Variants in NOD1 observed in about 807,000 individuals in gnomAD.
NOD1 encodes the protein nucleotide-binding oligomerization domain-containing protein 1.
Under a neutral mutation model 81.2 loss-of-function variants are expected in NOD1, and 70 were observed. That is an observed-to-expected ratio of 0.86 (90% CI 0.71 to 1.05). NOD1 has a LOEUF of 1.05. Ranked by LOEUF, NOD1 falls within the 50% of genes least tolerant of loss-of-function variation. NOD1 has a pLI of 0.00. For synonymous variants in NOD1, 508 were observed against 526.9 expected (o/e 0.96, Z 0.49); for missense variants, 1,233 against 1,228.0 (o/e 1.00, Z -0.06).
chr7:30,451,112 TG>T lies in NOD1; in HGVS notation c.2201+103del. On this transcript the variant is annotated intron_variant, in intron 6 of 13. Transcript: ENST00000222823. The surrounding 1 kb of genome is among the most constrained non-coding windows in gnomAD (Gnocchi z 4.2). ...AAAGGTCTGGACATTCCAAGGGCCA[TG>T]GTCATGAGTCCTGGGGGATCCTGGT... The T allele has an allele frequency of 7.6e-7, 1 of 1,316,028 alleles. No individual in the cohort carries two copies. Among genetic ancestry groups the T allele is most frequent in the Non-Finnish European group, 1.0e-6 (1 of 971,846 alleles). 81.5% of individuals were successfully genotyped at this position (1,316,028 alleles called of 1,614,324 possible). A position where few individuals can be genotyped will look rare whatever the true frequency, so the allele number is the denominator to read the frequency against.
intron 13 of NOD1, among the ~76,000 whole-genome samples, chr7:30,429,013 C>T (rs970466781): frequency 3.3e-5 from 5 of 152,204 alleles, no homozygotes; most frequent in Admixed American, 3.3e-4. Flanking sequence ...CTGGCCAACA[C>T]AGTCATCTCT....
In NOD1 at chr7:30,452,808, A is replaced by G; in HGVS notation, c.609T>C (p.Asp203=). 6.2e-7 allele frequency: 1 copy of G among 1,614,124 alleles called. No individual in the cohort carries two copies. The highest frequency in any genetic ancestry group is 8.5e-7 in the Non-Finnish European group (1 of 1,180,006). The change falls in exon 6 of 14, where the codon GAT becomes GAC. Residue 203 remains aspartate, a synonymous_variant. Coordinates refer to ENST00000222823, the MANE Select transcript of NOD1 (RefSeq NM_006092.4). Reference sequence around the variant, plus strand: ...GCAGCATGGACTTGCCCACCCCAGCATCACCCAGGATGAAGATGGTCTCAC... The same window carrying G: ...GCAGCATGGACTTGCCCACCCCAGCGTCACCCAGGATGAAGATGGTCTCAC... ...EQGETIFILG[D]AGVGKSMLLQ...
At chr7:30,476,166 G>A (rs1006071914) in intron 1 of NOD1, among the ~76,000 whole-genome samples, 2 of 152,088 alleles carry the variant, frequency 1.3e-5, no homozygotes, top group Non-Finnish European at 2.9e-5. Flanking sequence ...TAAATCCTAC[G>A]TTCATATCTT....
chr7:30,465,231 G>C (rs983515986), intron 1 of NOD1, among the ~76,000 whole-genome samples: 5 of 152,192 alleles, frequency 3.3e-5, no homozygotes, highest in Non-Finnish European at 7.3e-5. Flanking sequence ...TCCTCTCTCA[G>C]GGAGTTTGAA....
intron 5 of NOD1, 136 bp downstream of exon 5, chr7:30,455,001 G>T: frequency 2.4e-6 from 2 of 817,244 alleles, no homozygotes; most frequent in South Asian, 1.7e-5. Flanking sequence ...ACAGGATTCA[G>T]CTGTTCCTTT....
chr7:30,448,562 G>A (rs561181917), intron 6 of NOD1, among the ~76,000 whole-genome samples, 181 bp from the exon 7 acceptor site: 3 of 152,262 alleles, frequency 2.0e-5, no homozygotes, highest in East Asian at 3.9e-4. Context: ...ACGTGGGGCC[G>A]CCAGACCCAT....
At chr7:30,433,879 A>G (rs1190275008) in intron 11 of NOD1, among the ~76,000 whole-genome samples, 2 of 152,248 alleles carry the variant, frequency 1.3e-5, no homozygotes. Flanking sequence ...CTTCATTTTA[A>G]GACAATCAGA....
chr7:30,430,095 G>A (rs894583302), intron 12 of NOD1, among the ~76,000 whole-genome samples: 1 of 152,168 alleles, frequency 6.6e-6, no homozygotes, highest in Non-Finnish European at 1.5e-5. Flanking sequence ...CAGGAAGTCT[G>A]ACGTCTCCTT....
rs149106716 is a variant in NOD1, at chr7:30,433,111, G to A, written c.2690C>T (p.Thr897Met). The A allele has an allele frequency of 2.8e-5, 45 of 1,612,584 alleles. No individual in the cohort carries two copies. The highest frequency in any genetic ancestry group is 1.2e-4 in the African/African-American group (9 of 74,870). The change falls in exon 12 of 14, where the codon ACG (threonine) becomes ATG (methionine). Residue 897 changes from threonine (T) to methionine (M), a missense_variant. By Grantham distance (81) the Thr-to-Met change is moderately conservative. Coordinates refer to ENST00000222823, the MANE Select transcript of NOD1 (RefSeq NM_006092.4). The part of the protein sequence containing the change: ...SLAEMLKVNQ[T>M]LKHLWLIQNQ... ...TCTGAGTTACCATAAATGCTTTAACGTCTGGTTGACTTTCAACATTTCTGC... is the reference window on the plus strand; with the variant it reads ...TCTGAGTTACCATAAATGCTTTAACATCTGGTTGACTTTCAACATTTCTGC...
In NOD1 at chr7:30,467,726, A is replaced by G. The variant is rs1280380079; in HGVS notation, c.-351-7685T>C. On this transcript the variant is annotated intron_variant, in intron 1 of 13. Coordinates refer to ENST00000222823, the MANE Select transcript of NOD1 (RefSeq NM_006092.4). The surrounding 1 kb of genome is among the most constrained non-coding windows in gnomAD (Gnocchi z 4.5). ...TGTTTGTTTGTTTGTTTTGAGACAGAGTTTCACTCTTGTCACCCAGGCTGG... is the reference window on the plus strand; with the variant it reads ...TGTTTGTTTGTTTGTTTTGAGACAGGGTTTCACTCTTGTCACCCAGGCTGG... Among the ~76,000 whole-genome samples the G allele has an allele frequency of 6.6e-6, 1 of 152,100 alleles. No individual in the cohort carries two copies. Among genetic ancestry groups the G allele is most frequent in the Non-Finnish European group, 1.5e-5 (1 of 68,016 alleles).
chr7:30,453,520 A>G (rs974689164), intron 5 of NOD1, among the ~76,000 whole-genome samples: 1 of 152,098 alleles, frequency 6.6e-6, no homozygotes, highest in Admixed American at 6.6e-5. Flanking sequence ...CCCAGGCTCA[A>G]GCAATCCTCC....
chr7:30,449,056 T>C lies in NOD1; in HGVS notation c.2202-675A>G, dbSNP rs58432605. Among the ~76,000 whole-genome samples the C allele has an allele frequency of 9.7e-3, 1,474 of 152,284 alleles. 16 individuals carry two copies. The highest frequency in any genetic ancestry group is 0.034 in the African/African-American group (1,408 of 41,556). On this transcript the variant is annotated intron_variant, in intron 6 of 13. Coordinates refer to ENST00000222823, the MANE Select transcript of NOD1 (RefSeq NM_006092.4). ...CTGTCACAGCTACTCAACTGTGTAG[T>C]GTGAAGCAGCCAGTAAGTAAATAAA...
chr7:30,454,814 G>GA (rs70983304), intron 5 of NOD1, among the ~76,000 whole-genome samples: 14 of 150,392 alleles, frequency 9.3e-5, no homozygotes, highest in Middle Eastern at 3.4e-3. Context: ...TTTTTTAAAA[G>GA]AAAAAAAAAT....
At chr7:30,470,305 A>G (rs1236670897) in intron 1 of NOD1, among the ~76,000 whole-genome samples, 14 of 152,226 alleles carry the variant, frequency 9.2e-5, no homozygotes, top group African/African-American at 2.9e-4. Flanking sequence ...ACCGGCCGTG[A>G]CCTACAAGAG....
intron 1 of NOD1, among the ~76,000 whole-genome samples, chr7:30,477,447 G>C (rs1788896438): frequency 6.6e-6 from 1 of 152,162 alleles, no homozygotes; most frequent in South Asian, 2.1e-4. Context: ...TTCAACAGGG[G>C]CTTTGAGGGA....
chr7:30,475,913 A>G (rs1359948364), intron 1 of NOD1: 2 of 152,224 alleles, frequency 1.3e-5, no homozygotes, highest in African/African-American at 4.8e-5. Context: ...TGCGCTAAAG[A>G]GTTTTTCCAG....
At chr7:30,475,245 A>T (rs1317995656) in intron 1 of NOD1, among the ~76,000 whole-genome samples, 13 of 152,202 alleles carry the variant, frequency 8.5e-5, no homozygotes, top group African/African-American at 3.1e-4. Context: ...AAATGACTAC[A>T]TTCTCCCAAT....
At chr7:30,471,612 G>T (rs2128105474) in intron 1 of NOD1, among the ~76,000 whole-genome samples, 1 of 152,354 alleles carries the variant, frequency 6.6e-6, no homozygotes. Context: ...AGCTGGGAAG[G>T]CACCCTCTTT....
chr7:30,435,008 C>T (rs1276236247), intron 11 of NOD1, among the ~76,000 whole-genome samples: 3 of 151,830 alleles, frequency 2.0e-5, no homozygotes, highest in Non-Finnish European at 4.4e-5. Flanking sequence ...TGGCCTCAAG[C>T]GATCCTCCCA....
Sources: allele counts gnomAD v4.1 joint callset (sites outside exome capture counted in the v4.1 genomes callset), GRCh38; gene constraint gnomAD v4.1.1; non-coding constraint Gnocchi (gnomAD v3.1); transcripts MANE v1.5; gene names NCBI Gene and HGNC (gene_info 2026-07-23, HGNC 2026-07-21).